Variants in S100Z observed in about 807,000 individuals in gnomAD.
S100Z encodes the protein S100 calcium binding protein Z.
Under a neutral mutation model 8.5 loss-of-function variants are expected in S100Z, and 11 were observed. The observed-to-expected ratio is 1.30, with a 90% CI of 0.82 to 2.15. The LOEUF (loss-of-function observed/expected upper bound fraction) is 2.15, where lower values mean the gene tolerates loss of function less well. S100Z is among the 30% of genes most tolerant of loss of function. The pLI, the probability that S100Z is intolerant of heterozygous loss-of-function variation, is 0.00. For synonymous variants in S100Z, 34 were observed against 43.8 expected (o/e 0.78, Z 0.89); for missense variants, 126 against 117.9 (o/e 1.07, Z -0.32).
the S100Z span, among the ~76,000 whole-genome samples, chr5:76,948,299 C>T: frequency 6.8e-6 from 1 of 146,752 alleles, no homozygotes; most frequent in Non-Finnish European, 1.5e-5. Flanking sequence ...GCACTCCAGC[C>T]TGGGAAACAG....
intron 4 of S100Z, among the ~76,000 whole-genome samples, chr5:76,918,368 G>A (rs1744924729): frequency 6.6e-6 from 1 of 152,046 alleles, no homozygotes; most frequent in Non-Finnish European, 1.5e-5. Context: ...CACTATGCCT[G>A]GCTAACATTT....
chr5:76,875,250 T>C (rs1743145947), intron 2 of S100Z, 54 bp from the exon 3 acceptor site: 2 of 955,394 alleles, frequency 2.1e-6, no homozygotes, highest in South Asian at 1.8e-5. Context: ...GGGATTGTAA[T>C]ATTCTGTTTT....
chr5:76,883,602 G>T (rs1743491077), intron 4 of S100Z, among the ~76,000 whole-genome samples: 1 of 152,186 alleles, frequency 6.6e-6, no homozygotes, highest in South Asian at 2.1e-4. Context: ...CAAAGGGTCT[G>T]TGATGGTCCA....
intron 4 of S100Z, among the ~76,000 whole-genome samples, chr5:76,892,062 C>T (rs1743880691): frequency 6.6e-6 from 1 of 152,184 alleles, no homozygotes; most frequent in Non-Finnish European, 1.5e-5. Context: ...ACAGCAAGCA[C>T]ACCAGGTTAT....
chr5:76,922,792 G>A (rs1745071783), downstream of S100Z, among the ~76,000 whole-genome samples: 1 of 152,108 alleles, frequency 6.6e-6, no homozygotes, highest in South Asian at 2.1e-4. Flanking sequence ...CAAAGTGCTG[G>A]GATTACTGGC....
chr5:76,889,482 A>C (rs1743781970), intron 4 of S100Z, among the ~76,000 whole-genome samples: 1 of 152,252 alleles, frequency 6.6e-6, no homozygotes, highest in Admixed American at 6.5e-5. Flanking sequence ...ATTTTAATTT[A>C]CTGCAAAGTT....
At chr5:76,876,976 A>G (rs1743213640) in intron 3 of S100Z, among the ~76,000 whole-genome samples, 1 of 152,150 alleles carries the variant, frequency 6.6e-6, no homozygotes, top group Non-Finnish European at 1.5e-5. Context: ...CATAAAATGC[A>G]GGCATCTTTA....
chr5:76,949,153 C>A, the S100Z span, among the ~76,000 whole-genome samples: 1 of 152,156 alleles, frequency 6.6e-6, no homozygotes, highest in African/African-American at 2.4e-5. Flanking sequence ...CTTTGGGAGG[C>A]CAACGTGGGC....
intron 4 of S100Z, among the ~76,000 whole-genome samples, chr5:76,916,822 A>C (rs1390818472): frequency 6.6e-6 from 1 of 152,222 alleles, no homozygotes; most frequent in African/African-American, 2.4e-5. Flanking sequence ...AAATCCCTGC[A>C]TTAGAAAAGA....
At chr5:76,916,583 A>G (rs1309877332) in intron 4 of S100Z, among the ~76,000 whole-genome samples, 1 of 152,032 alleles carries the variant, frequency 6.6e-6, no homozygotes, top group African/African-American at 2.4e-5. Flanking sequence ...AAATCCTAAG[A>G]GTGTGTTTTC....
chr5:76,869,585 A>G (rs1742928845), intron 1 of S100Z, among the ~76,000 whole-genome samples: 1 of 152,216 alleles, frequency 6.6e-6, no homozygotes, highest in Admixed American at 6.5e-5. Flanking sequence ...CTTCTCTGAC[A>G]GCAGAATAGA....
At chr5:76,878,734 G>A (rs551218275) in intron 4 of S100Z, among the ~76,000 whole-genome samples, 1 of 152,186 alleles carries the variant, frequency 6.6e-6, no homozygotes, top group Non-Finnish European at 1.5e-5. Context: ...GGCAATCGTG[G>A]CAGGCAACCA....
chr5:76,922,690 A>AT (rs993303323), downstream of S100Z, among the ~76,000 whole-genome samples: 10 of 152,070 alleles, frequency 6.6e-5, no homozygotes, highest in Admixed American at 2.0e-4. Context: ...CGCCCGGCTA[A>AT]TTTTTTGTAT....
At chr5:76,889,832 A>G (rs1400311302) in intron 4 of S100Z, among the ~76,000 whole-genome samples, 2 of 152,216 alleles carry the variant, frequency 1.3e-5, no homozygotes, top group Non-Finnish European at 2.9e-5. Context: ...GTTTAAATAA[A>G]TTTGAAGTTT....
At chr5:76,872,597 G>A (rs1743049939) in intron 2 of S100Z, among the ~76,000 whole-genome samples, 1 of 151,972 alleles carries the variant, frequency 6.6e-6, no homozygotes, top group South Asian at 2.1e-4. Context: ...GGAGGTTGAG[G>A]TGCAGTGAGC....
intron 1 of S100Z, among the ~76,000 whole-genome samples, chr5:76,869,044 A>G (rs1020682332): frequency 5.3e-5 from 8 of 152,228 alleles, no homozygotes; most frequent in Non-Finnish European, 1.0e-4. Context: ...CAGTTAAACT[A>G]GACAAGGCCA....
intron 4 of S100Z, among the ~76,000 whole-genome samples, chr5:76,880,230 T>C (rs1476434052): frequency 6.6e-6 from 1 of 152,204 alleles, no homozygotes; most frequent in Non-Finnish European, 1.5e-5. Context: ...GTTAAGGCTA[T>C]TTTCACTTCT....
chr5:76,895,309 CT>C (rs1333748941), intron 4 of S100Z, among the ~76,000 whole-genome samples: 3 of 152,152 alleles, frequency 2.0e-5, no homozygotes, highest in African/African-American at 7.2e-5. Flanking sequence ...AAGAGAGCAA[CT>C]TATAATATGC....
the S100Z span, chr5:76,948,888 T>G: frequency 6.6e-6 from 1 of 152,120 alleles, no homozygotes; most frequent in Non-Finnish European, 1.5e-5. Flanking sequence ...AGCTAAATGA[T>G]GAGAACAAAC....
Sources: gnomAD v4.1 joint callset for allele counts (sites outside exome capture counted in the v4.1 genomes callset) on GRCh38, gnomAD v4.1.1 for gene constraint, MANE v1.5 for transcripts, NCBI Gene and HGNC (gene_info 2026-07-23, HGNC 2026-07-21) for gene names.